The following PDCD6IP variants were observed in gnomAD, a reference collection of about 807,000 sequenced individuals.
PDCD6IP encodes the protein programmed cell death 6-interacting protein.
A neutral mutation model predicts 103.7 loss-of-function variants in PDCD6IP; 43 were observed. The observed-to-expected ratio is 0.41, with a 90% CI of 0.32 to 0.53. The LOEUF (loss-of-function observed/expected upper bound fraction) is 0.53. Ranked by LOEUF, PDCD6IP falls within the 20% of genes least tolerant of loss-of-function variation. PDCD6IP has a pLI of 0.16. For missense variants in PDCD6IP, 871 were observed against 1,036.7 expected, an observed-to-expected ratio of 0.84 and a Z score of 2.20; for synonymous variants, 354 against 378.7, an observed-to-expected ratio of 0.93 and a Z score of 0.76.
At chr3:33,829,410 T>C (rs1237992651) in intron 7 of PDCD6IP, among the ~76,000 whole-genome samples, 1 of 152,176 alleles carries the variant, frequency 6.6e-6, no homozygotes, top group Non-Finnish European at 1.5e-5. Flanking sequence ...AGTGTTTAAC[T>C]TGTGGCCTGG....
At position 33,853,884 on chromosome 3, in the gene PDCD6IP, A is replaced by T; in HGVS notation, c.1896A>T (p.Ser632=). Residue 632 remains serine, a synonymous_variant, in exon 14 of 18, where the codon TCA becomes TCT. Transcript: ENST00000307296. ...TAAATCTTTCTTTTAACAAGGTCTC[A>T]CATCAGGAATTTTCAAAAATGAAAC... ...QEGLLKNIQV[S]HQEFSKMKQS... The T allele has an allele frequency of 1.3e-6, 2 of 1,510,946 alleles. No homozygotes were observed. The highest frequency in any genetic ancestry group is 2.7e-5 in the South Asian group (2 of 72,776). 93.6% of individuals were successfully genotyped at this position (1,510,946 alleles called of 1,614,324 possible).
At chr3:33,861,742 C>G (rs530963687) in intron 15 of PDCD6IP, among the ~76,000 whole-genome samples, 2 of 152,280 alleles carry the variant, frequency 1.3e-5, no homozygotes, top group African/African-American at 4.8e-5. Flanking sequence ...AGTATTATCT[C>G]ATTGTATGAT....
At chr3:33,802,691 T>C (rs1486299766) in intron 1 of PDCD6IP, among the ~76,000 whole-genome samples, 1 of 152,138 alleles carries the variant, frequency 6.6e-6, no homozygotes, top group Non-Finnish European at 1.5e-5. Context: ...GCTTTCTCCA[T>C]GTTGGTCAGG....
At chr3:33,864,240 A>C in intron 16 of PDCD6IP, 111 bp downstream of exon 16, 1 of 667,518 alleles carries the variant, frequency 1.5e-6, no homozygotes, top group Non-Finnish European at 2.6e-6. Context: ...TACCACCTGC[A>C]TCAGGTAACC....
At chr3:33,835,281 G>C in intron 7 of PDCD6IP, 1 of 456,698 alleles carries the variant, frequency 2.2e-6, no homozygotes, top group Non-Finnish European at 4.4e-6. Context: ...GAGTTAGGCC[G>C]TTTGAGGTTC....
rs373608193 is a variant in PDCD6IP at position 33,818,082 on chromosome 3, A to G, written c.335-3873A>G. Among the ~76,000 whole-genome samples, 7 of 146,472 alleles carry G rather than the reference A, an allele frequency of 4.8e-5. No individual in the cohort carries two copies. In the South Asian group the frequency reaches 1.3e-3, roughly 27 times the overall value. On this transcript the variant is annotated intron_variant, in intron 3 of 17. Coordinates refer to ENST00000307296, the MANE Select transcript of PDCD6IP (RefSeq NM_013374.6). ...AGTTTACTTTTATTTCTTGTTTGGAATATATTTCATTCTTGTTTTTTTTTT... is the reference window on the plus strand; with the variant it reads ...AGTTTACTTTTATTTCTTGTTTGGAGTATATTTCATTCTTGTTTTTTTTTT...
At chr3:33,856,338 C>T (rs1318990258) in intron 15 of PDCD6IP, among the ~76,000 whole-genome samples, 3 of 151,900 alleles carry the variant, frequency 2.0e-5, no homozygotes, top group Admixed American at 6.6e-5. Flanking sequence ...TGTCAGAATT[C>T]AGGAAAGAAG....
chr3:33,868,804 A>G lies in PDCD6IP; in HGVS notation c.*2279A>G, dbSNP rs1471395020. ...GCTGAGCTTTGGAATACTATTTTAA[A>G]CTGGATTGTACTTAAATAATGAAGC... is the stretch of plus-strand genomic sequence containing the variant. On this transcript the variant is annotated 3_prime_UTR_variant, in exon 18 of 18. Coordinates refer to ENST00000307296, the MANE Select transcript of PDCD6IP (RefSeq NM_013374.6). 1 of 152,186 alleles carries G rather than the reference A, an allele frequency of 6.6e-6. No homozygotes were observed. The highest frequency in any genetic ancestry group is 1.9e-4 in the East Asian group (1 of 5,200). 9.4% of individuals were successfully genotyped at this position (152,186 alleles called of 1,614,324 possible).
At chr3:33,848,907 G>GA (rs934540976) in intron 12 of PDCD6IP, among the ~76,000 whole-genome samples, 2 of 151,972 alleles carry the variant, frequency 1.3e-5, no homozygotes, top group Non-Finnish European at 1.5e-5. Flanking sequence ...TTAAATGGCT[G>GA]AAAAAAAGTC....
At chr3:33,856,412 C>T (rs1458506856) in intron 15 of PDCD6IP, among the ~76,000 whole-genome samples, 1 of 152,034 alleles carries the variant, frequency 6.6e-6, no homozygotes, top group African/African-American at 2.4e-5. Flanking sequence ...CACTAAAGAA[C>T]ACACAGGAAC....
At chr3:33,805,601 G>C (rs1696576906) in intron 1 of PDCD6IP, among the ~76,000 whole-genome samples, 1 of 151,690 alleles carries the variant, frequency 6.6e-6, no homozygotes, top group South Asian at 2.1e-4. Context: ...TAAATTTTTA[G>C]TAGAGAGGAG....
At position 33,842,082 on chromosome 3, in the gene PDCD6IP, T is replaced by G; in HGVS notation, c.1359+8T>G. 1 of 1,588,734 alleles carries G rather than the reference T, an allele frequency of 6.3e-7. No individual in the cohort carries two copies. The highest frequency in any genetic ancestry group is 8.6e-7 in the Non-Finnish European group (1 of 1,164,292). On this transcript the variant is annotated splice_region_variant and intron_variant, in intron 10 of 17. Coordinates refer to ENST00000307296, the MANE Select transcript of PDCD6IP (RefSeq NM_013374.6). ...AGAGAAATCCTAGATGAGGTATGTTTTATAAGATTTGCTTTTCAAGTATAA... is the reference window on the plus strand; with the variant it reads ...AGAGAAATCCTAGATGAGGTATGTTGTATAAGATTTGCTTTTCAAGTATAA...
At position 33,826,940 on chromosome 3, in the gene PDCD6IP, A is replaced by G. The variant is rs374437912; in HGVS notation, c.717+360A>G. 336 of 1,003,578 alleles carry G rather than the reference A, an allele frequency of 3.3e-4. 1 individual carries two copies. The African/African-American group carries it at 5.6e-3, about 17-fold the overall frequency. The allele number at this position is 1,003,578 out of a possible 1,614,324, so 62.2% of individuals were successfully genotyped here. A position where few individuals can be genotyped will look rare whatever the true frequency, so the allele number is the denominator to read the frequency against. ...ATACTTGAGCATGTTGATGATTCACACTTTTAATTATTGTCCTGTTTTCTT... is the reference window on the plus strand; with the variant it reads ...ATACTTGAGCATGTTGATGATTCACGCTTTTAATTATTGTCCTGTTTTCTT... On this transcript the variant is annotated intron_variant, in intron 6 of 17. Coordinates refer to ENST00000307296, the MANE Select transcript of PDCD6IP (RefSeq NM_013374.6).
chr3:33,840,164 A>G (rs888393422), intron 9 of PDCD6IP, among the ~76,000 whole-genome samples: 11 of 152,190 alleles, frequency 7.2e-5, no homozygotes, highest in African/African-American at 2.7e-4. Context: ...CAATTAACAC[A>G]TACTTTGTAT....
At position 33,852,607 on chromosome 3, in the gene PDCD6IP, C is replaced by G. The variant is rs376999608; in HGVS notation, c.1761C>G (p.Ala587=). The part of the protein sequence containing the change: ...NFDMTSKFLT[A]LAQDGVINEE... ...ACATGACAAGCAAGTTTTTGACAGC[C>G]CTGGCTCAAGATGGTGTGATAAATG... The change falls in exon 13 of 18, where the codon GCC becomes GCG. Residue 587 remains alanine, a synonymous_variant. Coordinates refer to ENST00000307296, the MANE Select transcript of PDCD6IP (RefSeq NM_013374.6). 6.2e-7 allele frequency: 1 copy of G among 1,604,382 alleles called. No individual in the cohort carries two copies. The highest frequency in any genetic ancestry group is 1.4e-5 in the African/African-American group (1 of 74,024).
intron 1 of PDCD6IP, among the ~76,000 whole-genome samples, chr3:33,809,825 T>C: frequency 6.6e-6 from 1 of 152,260 alleles, no homozygotes; most frequent in East Asian, 1.9e-4. Flanking sequence ...GAGTACAGGC[T>C]AATTACTTTT....
At chr3:33,812,953 A>C (rs1696751338) in intron 2 of PDCD6IP, among the ~76,000 whole-genome samples, 2 of 152,318 alleles carry the variant, frequency 1.3e-5, no homozygotes, top group Admixed American at 1.3e-4. Context: ...TAAATAATTT[A>C]AATGAGGTTT....
intron 1 of PDCD6IP, among the ~76,000 whole-genome samples, chr3:33,808,187 C>G (rs1696638408): frequency 6.6e-6 from 1 of 152,156 alleles, no homozygotes; most frequent in South Asian, 2.1e-4. Context: ...AATAATATAT[C>G]ACAAATTGTG....
At chr3:33,842,811 C>T (rs1222723802) in intron 10 of PDCD6IP, among the ~76,000 whole-genome samples, 1 of 152,124 alleles carries the variant, frequency 6.6e-6, no homozygotes, top group Non-Finnish European at 1.5e-5. Context: ...CCAGTTATTC[C>T]ACCAGTGTTC....
Sources: allele counts gnomAD v4.1 joint callset (sites outside exome capture counted in the v4.1 genomes callset), GRCh38; gene constraint gnomAD v4.1.1; transcripts MANE v1.5; gene names NCBI Gene and HGNC (gene_info 2026-07-23, HGNC 2026-07-21).